Variants in PCCA observed in about 807,000 individuals in gnomAD.
PCCA encodes the protein propionyl-CoA carboxylase subunit alpha.
A neutral mutation model predicts 101.3 loss-of-function variants in PCCA; 74 were observed. That is an observed-to-expected ratio of 0.73 (90% CI 0.61 to 0.89). PCCA has a LOEUF of 0.89. Ranked by LOEUF, PCCA falls within the 40% of genes least tolerant of loss-of-function variation. The probability of loss-of-function intolerance (pLI) is 0.00; values close to 1 mark genes in which losing one functional copy is unlikely to be tolerated. For missense variants in PCCA, 891 were observed against 907.0 expected, an observed-to-expected ratio of 0.98 and a Z score of 0.23; for synonymous variants, 294 against 313.6, an observed-to-expected ratio of 0.94 and a Z score of 0.66.
intron 19 of PCCA, among the ~76,000 whole-genome samples, chr13:100,414,519 C>T (rs771965109): frequency 6.6e-5 from 10 of 152,292 alleles, no homozygotes; most frequent in Middle Eastern, 3.4e-3. Context: ...TGAGTTTTGT[C>T]ATGCTTTGCC....
chr13:100,152,027 CAAT>C (rs1409889210), intron 4 of PCCA, among the ~76,000 whole-genome samples: 2 of 152,194 alleles, frequency 1.3e-5, no homozygotes, highest in Non-Finnish European at 2.9e-5. Flanking sequence ...TTTCATACAA[CAAT>C]GACAACAAAA....
intron 22 of PCCA, among the ~76,000 whole-genome samples, chr13:100,519,189 A>G (rs570739535): frequency 6.6e-6 from 1 of 152,356 alleles, no homozygotes; most frequent in East Asian, 1.9e-4. Flanking sequence ...TACTCATTTA[A>G]TACACCAAAC....
intron 19 of PCCA, among the ~76,000 whole-genome samples, chr13:100,402,019 G>T (rs931054998): frequency 6.6e-6 from 1 of 152,114 alleles, no homozygotes; most frequent in African/African-American, 2.4e-5. Context: ...ATACGTGTGC[G>T]TGGTGATGAG....
intron 21 of PCCA, among the ~76,000 whole-genome samples, chr13:100,509,390 TTGA>T (rs1173642593): frequency 6.6e-6 from 1 of 152,236 alleles, no homozygotes; most frequent in Admixed American, 6.5e-5. Context: ...ACACATGTAC[TTGA>T]TGATGAACTT....
intron 10 of PCCA, among the ~76,000 whole-genome samples, chr13:100,264,803 C>G (rs997231797): frequency 6.6e-6 from 1 of 152,118 alleles, no homozygotes; most frequent in Non-Finnish European, 1.5e-5. Context: ...TATACTCCCA[C>G]CAGAAATACA....
In PCCA at chr13:100,138,950, A is replaced by G. The variant is rs1022403665; in HGVS notation, c.301-16029A>G. Among the ~76,000 whole-genome samples, 39 of 151,292 alleles carry G rather than the reference A, an allele frequency of 2.6e-4. No individual in the cohort carries two copies. In the East Asian group the frequency reaches 3.9e-3, roughly 15 times the overall value. ...ACTCCATCTCAAAAAAAAAAAAAAA[A>G]AAAAAAAGAAAGAAAGAAAATGTCT... is the stretch of plus-strand genomic sequence containing the variant. On this transcript the variant is annotated intron_variant, in intron 4 of 23. Transcript: ENST00000376285.
intron 22 of PCCA, among the ~76,000 whole-genome samples, chr13:100,523,035 C>G (rs551040945): frequency 6.6e-6 from 1 of 152,262 alleles, no homozygotes; most frequent in South Asian, 2.1e-4. Flanking sequence ...CCGTTCTCTT[C>G]TTTTTCTTCC....
intron 7 of PCCA, among the ~76,000 whole-genome samples, chr13:100,221,088 T>C (rs1175811835): frequency 6.6e-6 from 1 of 152,248 alleles, no homozygotes; most frequent in Admixed American, 6.5e-5. Flanking sequence ...AGAGTCAGCA[T>C]GAAAATGGGC....
At position 100,113,601 on chromosome 13, in the gene PCCA, CAG is replaced by C. The variant is rs1326466496; in HGVS notation, c.300+1543_300+1544del. On this transcript the variant is annotated intron_variant, in intron 4 of 23. Transcript: ENST00000376285. ...CTTTCTTTTTTTTTTTTTTTTGAGA[CAG>C]AGTCTTGCTCTGTTGGCCAAGCTAG... Among the ~76,000 whole-genome samples the C allele has an allele frequency of 4.0e-3, 532 of 134,460 alleles. 4 individuals carry two copies. Among genetic ancestry groups the C allele is most frequent in the African/African-American group, 0.014 (496 of 35,228 alleles). 88.2% of individuals were successfully genotyped at this position (134,460 alleles called of 152,430 possible).
At chr13:100,203,743 A>G (rs2058683187) in intron 6 of PCCA, among the ~76,000 whole-genome samples, 1 of 152,184 alleles carries the variant, frequency 6.6e-6, no homozygotes, top group Non-Finnish European at 1.5e-5. Flanking sequence ...ACTTAGTTTA[A>G]TGTGTAAAAT....
intron 22 of PCCA, among the ~76,000 whole-genome samples, chr13:100,525,070 T>C (rs1342030046): frequency 4.0e-5 from 6 of 151,780 alleles, no homozygotes; most frequent in Non-Finnish European, 7.4e-5. Context: ...TAGAGCTAAA[T>C]AAGTAGACTA....
chr13:100,440,161 TATATATATATATATATATATATATA>T (rs1397497633), intron 20 of PCCA, among the ~76,000 whole-genome samples: 1 of 2,590 alleles, frequency 3.9e-4, no homozygotes, highest in African/African-American at 4.8e-3. Flanking sequence ...TTAAATTATA[TATATATATATATATATATATATATA>T]TATATATATA....
intron 6 of PCCA, among the ~76,000 whole-genome samples, chr13:100,197,370 T>G (rs2058179884): frequency 6.6e-6 from 1 of 152,128 alleles, no homozygotes; most frequent in Non-Finnish European, 1.5e-5. Context: ...TTTTAAATTT[T>G]TTTTTGTAGA....
intron 18 of PCCA, among the ~76,000 whole-genome samples, chr13:100,349,744 T>G (rs1403525764): frequency 1.3e-5 from 2 of 148,706 alleles, no homozygotes; most frequent in Non-Finnish European, 3.0e-5. Flanking sequence ...GGAATCAGTG[T>G]ACTTTGTGCT....
intron 12 of PCCA, among the ~76,000 whole-genome samples, chr13:100,279,579 A>G (rs2063923760): frequency 6.6e-6 from 1 of 151,994 alleles, no homozygotes; most frequent in East Asian, 1.9e-4. Context: ...AGATTCAAAC[A>G]ATTCTCCTGC....
chr13:100,244,929 C>CTGTG (rs3223372), intron 8 of PCCA, among the ~76,000 whole-genome samples: 2,766 of 141,666 alleles, frequency 0.02, 69 homozygotes, highest in African/African-American at 0.059. Context: ...TGAGGAAAGG[C>CTGTG]TGTGTGTGTG....
rs370219522 is a variant in PCCA at position 100,190,194 on chromosome 13, G to C, written c.469-19138G>C. Among the ~76,000 whole-genome samples, 151 of 152,248 alleles carry C rather than the reference G, an allele frequency of 9.9e-4. 4 individuals carry two copies. The South Asian group carries it at 0.028, about 29-fold the overall frequency. Reference sequence around the variant, plus strand: ...TTATGAAATGTTATCTGAAGATCACGCACGTAATCTTTGATGGCTGTTATT... The same window carrying C: ...TTATGAAATGTTATCTGAAGATCACCCACGTAATCTTTGATGGCTGTTATT... On this transcript the variant is annotated intron_variant, in intron 6 of 23. Coordinates refer to ENST00000376285, the MANE Select transcript of PCCA (RefSeq NM_000282.4).
At chr13:100,468,628 C>T (rs904365370) in intron 21 of PCCA, among the ~76,000 whole-genome samples, 1 of 152,298 alleles carries the variant, frequency 6.6e-6, no homozygotes, top group Middle Eastern at 3.4e-3. Flanking sequence ...GCAGCTTCCT[C>T]GCCTCTCTCA....
intron 19 of PCCA, among the ~76,000 whole-genome samples, chr13:100,390,935 A>G (rs557797924): frequency 6.6e-6 from 1 of 152,302 alleles, no homozygotes; most frequent in South Asian, 2.1e-4. Flanking sequence ...ATAAATTCTT[A>G]AGTGCTGATA....
Sources: allele counts gnomAD v4.1 joint callset (sites outside exome capture counted in the v4.1 genomes callset), GRCh38; gene constraint gnomAD v4.1.1; transcripts MANE v1.5; gene names NCBI Gene and HGNC (gene_info 2026-07-23, HGNC 2026-07-21).